Variants in MYRIP observed in about 807,000 individuals in gnomAD.
MYRIP encodes the protein myosin VIIA and Rab interacting protein, also known as rab effector MyRIP.
Under a neutral mutation model 98.0 loss-of-function variants are expected in MYRIP, and 49 were observed. The ratio of observed to expected loss-of-function variants is 0.50; its 90% CI spans 0.40 to 0.63. The LOEUF (loss-of-function observed/expected upper bound fraction) is 0.63. MYRIP is among the 30% of genes least tolerant of loss of function. The pLI is 0.00. For synonymous variants in MYRIP, 404 were observed against 409.5 expected, an observed-to-expected ratio of 0.99 and a Z score of 0.16; for missense variants, 1,004 against 1,058.2, an observed-to-expected ratio of 0.95 and a Z score of 0.71.
At chr3:40,222,568 C>T (rs186298621) in intron 11 of MYRIP, among the ~76,000 whole-genome samples, 1 of 151,636 alleles carries the variant, frequency 6.6e-6, no homozygotes, top group Non-Finnish European at 1.5e-5. Flanking sequence ...CCCCCTACCC[C>T]CCACCCCCTC....
intron 2 of MYRIP, among the ~76,000 whole-genome samples, chr3:39,993,773 C>A (rs1039954474): frequency 1.3e-5 from 2 of 152,214 alleles, no homozygotes; most frequent in Non-Finnish European, 2.9e-5. Context: ...TAGTGATGAC[C>A]ACTCTGTGAG....
At chr3:39,828,452 T>G (rs561912055) in intron 1 of MYRIP, among the ~76,000 whole-genome samples, 86 of 151,984 alleles carry the variant, frequency 5.7e-4, no homozygotes, top group Non-Finnish European at 9.9e-4. Flanking sequence ...GATTTTGAAT[T>G]ATTTCTGGCA....
At chr3:40,084,358 TAG>T (rs1238930506) in intron 3 of MYRIP, among the ~76,000 whole-genome samples, 4,926 of 61,788 alleles carry the variant, frequency 0.08, 33 homozygotes, top group Non-Finnish European at 0.089. Context: ...TATATATCGA[TAG>T]ATAATACACA....
intron 3 of MYRIP, among the ~76,000 whole-genome samples, chr3:40,084,229 T>C (rs1284320719): frequency 6.9e-6 from 1 of 145,344 alleles, no homozygotes; most frequent in African/African-American, 2.5e-5. Flanking sequence ...ATATATTATA[T>C]ATGTAAAATG....
At chr3:40,066,844 C>T (rs1948136251) in intron 3 of MYRIP, among the ~76,000 whole-genome samples, 2 of 152,168 alleles carry the variant, frequency 1.3e-5, no homozygotes, top group African/African-American at 4.8e-5. Flanking sequence ...TTAGCACAAT[C>T]TTACCAACTG....
intron 9 of MYRIP, among the ~76,000 whole-genome samples, chr3:40,183,562 G>A (rs1028828740): frequency 3.3e-5 from 5 of 152,186 alleles, no homozygotes; most frequent in Admixed American, 1.3e-4. Flanking sequence ...GGTGACGGCC[G>A]AGGGCCATGA....
chr3:39,929,464 T>C (rs573887416), intron 2 of MYRIP, among the ~76,000 whole-genome samples: 1 of 152,234 alleles, frequency 6.6e-6, no homozygotes, highest in Admixed American at 6.5e-5. Context: ...CCAATAGGTC[T>C]AGTATATTTC....
rs1436781925 is a variant in MYRIP, at chr3:40,258,163, C to T, written c.2577C>T (p.Tyr859=). The part of the protein sequence containing the change: ...MEPALESAVM[Y] ...CTGCTCTGGAGTCAGCTGTGATGTA[C>T]TGACACCATGGAATTCCACTGCCAG... The change falls in exon 17 of 17, where the codon TAC becomes TAT. Residue 859 remains tyrosine (Y), a synonymous_variant. Transcript: ENST00000302541. 1.9e-6 allele frequency: 3 copies of T among 1,614,036 alleles called. No homozygotes were observed. The highest frequency in any genetic ancestry group is 2.5e-6 in the Non-Finnish European group (3 of 1,180,000).
chr3:39,874,980 T>C, intron 1 of MYRIP, among the ~76,000 whole-genome samples: 1 of 152,170 alleles, frequency 6.6e-6, no homozygotes, highest in Non-Finnish European at 1.5e-5. Context: ...CTGGACTCTT[T>C]TTGGTTGGTA....
chr3:39,905,236 C>A (rs543495915), intron 2 of MYRIP, among the ~76,000 whole-genome samples: 2 of 152,192 alleles, frequency 1.3e-5, no homozygotes, highest in Admixed American at 1.3e-4. Context: ...TAAAGAAGAC[C>A]TTATAATGAA....
chr3:40,169,888 C>T, intron 7 of MYRIP, 62 bp from the exon 8 acceptor site: 2 of 1,606,056 alleles, frequency 1.2e-6, no homozygotes, highest in Admixed American at 1.7e-5. Context: ...GTCCCAGTTA[C>T]TCCACATAGC....
chr3:40,164,501 C>T (rs980290390), intron 5 of MYRIP, among the ~76,000 whole-genome samples: 1 of 152,172 alleles, frequency 6.6e-6, no homozygotes, highest in Non-Finnish European at 1.5e-5. Flanking sequence ...ATGAGACACA[C>T]CCACATTGTG....
At chr3:40,041,096 G>A (rs1342998336) in intron 2 of MYRIP, among the ~76,000 whole-genome samples, 1 of 131,554 alleles carries the variant, frequency 7.6e-6, no homozygotes, top group African/African-American at 2.8e-5. Context: ...CATCCATATT[G>A]ATAAACAAGT....
At chr3:40,239,477 C>A (rs35783861) in intron 12 of MYRIP, among the ~76,000 whole-genome samples, 1 of 135,478 alleles carries the variant, frequency 7.4e-6, no homozygotes, top group Non-Finnish European at 1.5e-5. Context: ...CTTGAGGAAT[C>A]GCCACACTGA....
intron 12 of MYRIP, among the ~76,000 whole-genome samples, chr3:40,243,115 G>A (rs1309159552): frequency 6.6e-6 from 1 of 152,094 alleles, no homozygotes; most frequent in Non-Finnish European, 1.5e-5. Context: ...CTGAAGTGTG[G>A]CAATTCCCAT....
intron 2 of MYRIP, among the ~76,000 whole-genome samples, chr3:39,931,383 T>C (rs912189587): frequency 1.3e-5 from 2 of 152,038 alleles, no homozygotes; most frequent in Non-Finnish European, 2.9e-5. Flanking sequence ...GATCTTTTAC[T>C]TAAACCTTCC....
chr3:39,988,787 T>C (rs1433023463), intron 2 of MYRIP, among the ~76,000 whole-genome samples: 1 of 151,732 alleles, frequency 6.6e-6, no homozygotes, highest in East Asian at 1.9e-4. Context: ...ATATCCTTTC[T>C]TCTGCTTGGT....
intron 3 of MYRIP, among the ~76,000 whole-genome samples, chr3:40,076,952 A>G (rs568904442): frequency 6.6e-6 from 1 of 152,308 alleles, no homozygotes; most frequent in East Asian, 1.9e-4. Context: ...TTTTCATTGC[A>G]TATGACAGCT....
At chr3:39,888,023 A>G (rs1266489729) in intron 1 of MYRIP, among the ~76,000 whole-genome samples, 1 of 151,352 alleles carries the variant, frequency 6.6e-6, no homozygotes, top group East Asian at 2.0e-4. Context: ...TCAAGGAAAT[A>G]AAAGAGGATA....
Sources: allele counts gnomAD v4.1 joint callset (sites outside exome capture counted in the v4.1 genomes callset), GRCh38; gene constraint gnomAD v4.1.1; transcripts MANE v1.5; gene names NCBI Gene and HGNC (gene_info 2026-07-23, HGNC 2026-07-21).